MYZAP: variants seen among roughly 807,000 people sequenced by gnomAD.
MYZAP encodes GRINL1A complex locus upstream.
In MYZAP, 66 loss-of-function variants were observed where a neutral mutation model predicts 69.4. The observed-to-expected ratio is 0.95, with a 90% CI of 0.78 to 1.17. MYZAP has a LOEUF of 1.17. Ranked by LOEUF, MYZAP falls within the 50% of genes most tolerant of loss-of-function variation. MYZAP has a pLI of 0.00. For synonymous variants in MYZAP, 256 were observed against 205.9 expected (o/e 1.24, Z -2.09); for missense variants, 611 against 556.2 (o/e 1.10, Z -0.99).
intron 2 of MYZAP, 149 bp from the exon 3 acceptor site, chr15:57,617,882 CTA>C: frequency 9.2e-7 from 1 of 1,092,386 alleles, no homozygotes; most frequent in Non-Finnish European, 1.3e-6. Context: ...TGAACAGAGA[CTA>C]GATGGGATTT....
intron 10 of MYZAP, among the ~76,000 whole-genome samples, chr15:57,652,343 A>G (rs2037770001): frequency 6.6e-6 from 1 of 152,204 alleles, no homozygotes; most frequent in Non-Finnish European, 1.5e-5. Flanking sequence ...TGCAGGGCAG[A>G]TTCTGATCTT....
At chr15:57,623,562 G>T (rs1051736025) in intron 4 of MYZAP, among the ~76,000 whole-genome samples, 15 of 151,982 alleles carry the variant, frequency 9.9e-5, no homozygotes, top group Admixed American at 3.9e-4. Context: ...GTGAAACCCT[G>T]TCTCTACTAA....
intron 10 of MYZAP, chr15:57,647,520 T>G (rs1268991369): frequency 1.3e-5 from 13 of 985,358 alleles, no homozygotes; most frequent in African/African-American, 7.0e-5. Context: ...ATTAAGAGAA[T>G]GCAATGACCT....
chr15:57,623,722 G>C (rs1210845333), intron 4 of MYZAP, among the ~76,000 whole-genome samples: 1 of 136,998 alleles, frequency 7.3e-6, no homozygotes, highest in Non-Finnish European at 1.6e-5. Context: ...GACAGAGTGA[G>C]ACCCTGTTTC....
At chr15:57,619,761 C>G (rs973356021) in intron 3 of MYZAP, among the ~76,000 whole-genome samples, 6 of 152,136 alleles carry the variant, frequency 3.9e-5, no homozygotes, top group Admixed American at 2.6e-4. Context: ...AATACATAGA[C>G]CTTCCTCACT....
intron 11 of MYZAP, among the ~76,000 whole-genome samples, chr15:57,663,701 A>G (rs1595925138): frequency 6.6e-6 from 1 of 152,310 alleles, no homozygotes; most frequent in Non-Finnish European, 1.5e-5. Context: ...TGGTCAAAGG[A>G]AGCCCCCAGA....
chr15:57,633,136 T>C (rs550348328), intron 7 of MYZAP, among the ~76,000 whole-genome samples: 2 of 152,232 alleles, frequency 1.3e-5, no homozygotes, highest in Non-Finnish European at 2.9e-5. Flanking sequence ...GGGGACTCCA[T>C]GTCTGGCTCA....
intron 10 of MYZAP, among the ~76,000 whole-genome samples, chr15:57,660,030 C>T (rs2038204341): frequency 2.0e-5 from 3 of 152,196 alleles, no homozygotes; most frequent in African/African-American, 4.8e-5. Context: ...CCTTGCCATA[C>T]ACTTCATCAG....
chr15:57,627,453 C>T (rs1472701040), intron 5 of MYZAP, among the ~76,000 whole-genome samples: 4 of 151,194 alleles, frequency 2.6e-5, no homozygotes, highest in African/African-American at 9.7e-5. Flanking sequence ...GAGAAGCCAT[C>T]TCACAGCAGG....
At chr15:57,683,865 G>A (rs1289359297) in intron 12 of MYZAP, among the ~76,000 whole-genome samples, 1 of 152,004 alleles carries the variant, frequency 6.6e-6, no homozygotes, top group Non-Finnish European at 1.5e-5. Context: ...CATGAACTTG[G>A]CTTACTGCAA....
In MYZAP at chr15:57,632,652, G is replaced by T. The variant is rs927983505; in HGVS notation, c.804+93G>T. ...TACGTAGTAGTGTTTATTCTTAGAG[G>T]TGGGTCAGTAGACTCAGCCATGGGT... On this transcript the variant is annotated intron_variant, in intron 7 of 12. Transcript: ENST00000267853. 21 of 1,547,814 alleles carry T rather than the reference G, an allele frequency of 1.4e-5. No individual in the cohort carries two copies. The Middle Eastern group carries it at 8.7e-4, about 64-fold the overall frequency.
chr15:57,644,177 C>T (rs542004883), intron 10 of MYZAP, among the ~76,000 whole-genome samples: 4 of 152,288 alleles, frequency 2.6e-5, no homozygotes, highest in South Asian at 4.2e-4. Context: ...ATTCTCAGAG[C>T]GGTGGCCTGA....
Position 57,613,172 on chromosome 15 carries a change from T to C in MYZAP, c.163-4861T>C, listed in dbSNP as rs933581223. Among the ~76,000 whole-genome samples, 4 of 152,126 alleles carry C rather than the reference T, an allele frequency of 2.6e-5. No homozygotes were observed. The South Asian group carries it at 6.2e-4, about 24-fold the overall frequency. ...TGGTCTCCATCTCCTGACCTTGTGATCCACCTGCCTCGGCCTCCCAAAGTG... is the reference window on the plus strand; with the variant it reads ...TGGTCTCCATCTCCTGACCTTGTGACCCACCTGCCTCGGCCTCCCAAAGTG... On this transcript the variant is annotated intron_variant, in intron 2 of 12. Coordinates refer to ENST00000267853, the MANE Select transcript of MYZAP (RefSeq NM_001018100.5).
rs1595924050 is a variant in MYZAP, at chr15:57,662,874, A to G, written c.1203+1341A>G. 2.6e-5 allele frequency among the ~76,000 whole-genome samples: 4 copies of G among 152,346 alleles called. No homozygotes were observed. The East Asian group carries it at 7.7e-4, about 29-fold the overall frequency. ...GGGTTGCCTTACAGCAGTCATAACC[A>G]GAAGTCCCTCATGGCCCATAGGGGC... On this transcript the variant is annotated intron_variant, in intron 11 of 12. Transcript: ENST00000267853.
intron 2 of MYZAP, among the ~76,000 whole-genome samples, chr15:57,606,182 C>T (rs1457743636): frequency 5.3e-5 from 8 of 152,170 alleles, no homozygotes; most frequent in Admixed American, 3.3e-4. Flanking sequence ...AGTACCTTCA[C>T]AGTGGAGTAG....
At chr15:57,629,580 G>A (rs1401987009) in intron 5 of MYZAP, 122 bp from the exon 6 acceptor site, 1 of 1,339,000 alleles carries the variant, frequency 7.5e-7, no homozygotes, top group South Asian at 1.5e-5. Context: ...CAGACTGGCA[G>A]TTGCTGTAGC....
chr15:57,667,133 A>AT (rs1389347633), intron 11 of MYZAP, among the ~76,000 whole-genome samples: 16 of 152,150 alleles, frequency 1.1e-4, no homozygotes, highest in Admixed American at 7.9e-4. Flanking sequence ...GTTGTGTAGC[A>AT]CCTGAGCCTC....
intron 1 of MYZAP, among the ~76,000 whole-genome samples, chr15:57,594,850 G>C (rs1166086427): frequency 6.6e-6 from 1 of 152,204 alleles, no homozygotes; most frequent in Non-Finnish European, 1.5e-5. Context: ...ATAATCATTG[G>C]AAGTGTACCT....
chr15:57,624,245 A>G (rs756237687), intron 4 of MYZAP, among the ~76,000 whole-genome samples: 2 of 152,364 alleles, frequency 1.3e-5, no homozygotes, highest in African/African-American at 2.4e-5. Context: ...CGTACCTTCC[A>G]TAAGAGTTAA....
Sources: gnomAD v4.1 joint callset for allele counts (sites outside exome capture counted in the v4.1 genomes callset) on GRCh38, gnomAD v4.1.1 for gene constraint, MANE v1.5 for transcripts, NCBI Gene and HGNC (gene_info 2026-07-23, HGNC 2026-07-21) for gene names.